The following FTO variants were observed in gnomAD, a reference collection of about 807,000 sequenced individuals.
FTO encodes FTO alpha-ketoglutarate dependent dioxygenase.
A neutral mutation model predicts 63.9 loss-of-function variants in FTO; 47 were observed. The observed-to-expected ratio is 0.74, with a 90% CI of 0.58 to 0.94. FTO has a LOEUF of 0.94. Ranked by LOEUF, FTO falls within the 40% of genes least tolerant of loss-of-function variation. FTO has a pLI of 0.00. For missense variants in FTO, 562 were observed against 618.1 expected (o/e 0.91, Z 0.96); for synonymous variants, 207 against 224.4 (o/e 0.92, Z 0.69).
chr16:54,019,311 T>C (rs1033497511), intron 8 of FTO, among the ~76,000 whole-genome samples: 1 of 152,208 alleles, frequency 6.6e-6, no homozygotes, highest in Non-Finnish European at 1.5e-5. Context: ...CTTTGAGTGC[T>C]GAATACCTGA....
At chr16:54,024,176 A>G (rs1201981347) in intron 8 of FTO, among the ~76,000 whole-genome samples, 1 of 152,152 alleles carries the variant, frequency 6.6e-6, no homozygotes, top group Non-Finnish European at 1.5e-5. Flanking sequence ...AAGTGTTTGT[A>G]TGGCTTTTAC....
chr16:53,787,358 G>C (rs1269159497), intron 1 of FTO, among the ~76,000 whole-genome samples: 2 of 150,862 alleles, frequency 1.3e-5, no homozygotes, highest in Non-Finnish European at 2.9e-5. Context: ...GCCAATATTG[G>C]CCAACTTACT....
At chr16:54,016,302 A>C (rs200213523) in intron 8 of FTO, among the ~76,000 whole-genome samples, 1 of 39,576 alleles carries the variant, frequency 2.5e-5, no homozygotes, top group Non-Finnish European at 3.8e-5. Context: ...GAAAAAAAAA[A>C]AAAAAAAAAA....
chr16:53,913,747 G>C (rs1167523908), intron 7 of FTO, among the ~76,000 whole-genome samples: 1 of 152,162 alleles, frequency 6.6e-6, no homozygotes, highest in East Asian at 1.9e-4. Context: ...GGGAGTCTGA[G>C]GTGGGTGGAT....
At chr16:54,009,724 A>C (rs894214132) in intron 8 of FTO, among the ~76,000 whole-genome samples, 24 of 152,090 alleles carry the variant, frequency 1.6e-4, no homozygotes, top group Non-Finnish European at 8.8e-5. Context: ...TGCTGGCTCC[A>C]CCACTACTAC....
chr16:53,967,379 C>T (rs187727264), intron 8 of FTO, among the ~76,000 whole-genome samples: 57 of 152,194 alleles, frequency 3.7e-4, no homozygotes, highest in African/African-American at 1.3e-3. Flanking sequence ...TGAGAACAGG[C>T]TGTCTTCTCC....
At chr16:53,881,522 A>G (rs1347644625) in intron 6 of FTO, among the ~76,000 whole-genome samples, 1 of 152,308 alleles carries the variant, frequency 6.6e-6, no homozygotes, top group East Asian at 1.9e-4. Context: ...CAAGAGACTC[A>G]TGAAGAATAG....
intron 8 of FTO, among the ~76,000 whole-genome samples, chr16:54,018,409 G>GATACATACATAC (rs1381107400): frequency 4.2e-5 from 6 of 142,144 alleles, no homozygotes; most frequent in Non-Finnish European, 9.1e-5. Context: ...TAGATAGATA[G>GATACATACATAC]ATACATACAT....
intron 8 of FTO, chr16:53,937,763 A>G (rs2082425232): frequency 1.3e-5 from 2 of 152,448 alleles, no homozygotes; most frequent in Non-Finnish European, 2.9e-5. Context: ...CCATGCAAGG[A>G]GCTGGAATGG....
At chr16:54,007,859 A>C (rs1049377214) in intron 8 of FTO, among the ~76,000 whole-genome samples, 6 of 152,258 alleles carry the variant, frequency 3.9e-5, no homozygotes, top group Non-Finnish European at 8.8e-5. Context: ...TACAAGCCAA[A>C]TAAAACACTG....
chr16:53,984,503 CAG>C (rs1322971141), intron 8 of FTO, among the ~76,000 whole-genome samples: 5 of 151,508 alleles, frequency 3.3e-5, no homozygotes, highest in Admixed American at 6.6e-5. Context: ...TATTTTTTTG[CAG>C]AGACAGGGTC....
At chr16:53,752,425 A>G (rs2076820020) in intron 1 of FTO, among the ~76,000 whole-genome samples, 1 of 152,240 alleles carries the variant, frequency 6.6e-6, no homozygotes, top group Non-Finnish European at 1.5e-5. Flanking sequence ...CAGCTGATGA[A>G]TGGATAAACC....
intron 2 of FTO, among the ~76,000 whole-genome samples, chr16:53,822,293 C>G (rs2078887928): frequency 6.6e-6 from 1 of 152,166 alleles, no homozygotes; most frequent in Non-Finnish European, 1.5e-5. Flanking sequence ...ATTTATCATC[C>G]TATCTGAATT....
At chr16:53,950,388 A>G (rs2143511209) in intron 8 of FTO, among the ~76,000 whole-genome samples, 1 of 152,226 alleles carries the variant, frequency 6.6e-6, no homozygotes, top group South Asian at 2.1e-4. Context: ...AAGCAAAATG[A>G]TGGATTCTTC....
At chr16:53,897,828 AGT>A (rs2081310361) in intron 7 of FTO, among the ~76,000 whole-genome samples, 1 of 152,176 alleles carries the variant, frequency 6.6e-6, no homozygotes, top group African/African-American at 2.4e-5. Flanking sequence ...TGTAGTCCCT[AGT>A]GTTTCACAGT....
At chr16:53,786,843 G>T (rs899819827) in intron 1 of FTO, among the ~76,000 whole-genome samples, 4 of 152,000 alleles carry the variant, frequency 2.6e-5, no homozygotes, top group African/African-American at 9.7e-5. Flanking sequence ...TGGGCGCAGT[G>T]GCTCACGCCT....
At chr16:53,911,520 G>T (rs1013946106) in intron 7 of FTO, 2 of 702,516 alleles carry the variant, frequency 2.8e-6, no homozygotes, top group South Asian at 3.0e-5. Context: ...GAAGATAGGT[G>T]AATCTATAGA....
chr16:54,007,960 C>T (rs1301590226), intron 8 of FTO, among the ~76,000 whole-genome samples: 1 of 152,226 alleles, frequency 6.6e-6, no homozygotes, highest in Non-Finnish European at 1.5e-5. Flanking sequence ...TATTGTCACA[C>T]TGTGAAACAG....
rs190406870 is a variant in FTO, at chr16:54,077,581, G to A, written c.1365-34181G>A. ...CATATGATTGCCACCTTAAGACACG[G>A]GCAGCGGTAGGACAATGTGAAGTTT... On this transcript the variant is annotated intron_variant, in intron 8 of 8. Coordinates refer to ENST00000471389, the MANE Select transcript of FTO (RefSeq NM_001080432.3). Among the ~76,000 whole-genome samples, 50 of 152,224 alleles carry A rather than the reference G, an allele frequency of 3.3e-4. 1 individual carries two copies. Among genetic ancestry groups the A allele is most frequent in the Admixed American group, 2.1e-3 (32 of 15,282 alleles).
Sources: allele counts gnomAD v4.1 joint callset (sites outside exome capture counted in the v4.1 genomes callset), GRCh38; gene constraint gnomAD v4.1.1; transcripts MANE v1.5; gene names NCBI Gene and HGNC (gene_info 2026-07-23, HGNC 2026-07-21).